Variants in EFNA5 observed in about 807,000 individuals in gnomAD.
EFNA5 encodes ephrin A5, also known as ephrin-A5.
A neutral mutation model predicts 22.9 loss-of-function variants in EFNA5; 5 were observed. That is an observed-to-expected ratio of 0.22 (90% CI 0.11 to 0.46). The LOEUF (loss-of-function observed/expected upper bound fraction) is 0.46. Ranked by LOEUF, EFNA5 falls within the 20% of genes least tolerant of loss-of-function variation. The pLI, the probability that EFNA5 is intolerant of heterozygous loss-of-function variation, is 0.99. For synonymous variants in EFNA5, 113 were observed against 112.2 expected (o/e 1.01, Z -0.04); for missense variants, 237 against 293.3 (o/e 0.81, Z 1.40).
intron 1 of EFNA5, among the ~76,000 whole-genome samples, chr5:107,430,809 A>C: frequency 8.9e-6 from 1 of 112,258 alleles, no homozygotes; most frequent in Non-Finnish European, 1.7e-5. Context: ...ATGGAGTTTC[A>C]CTCTGTTACC....
intron 1 of EFNA5, among the ~76,000 whole-genome samples, chr5:107,462,428 T>C (rs980643229): frequency 1.3e-5 from 2 of 152,148 alleles, no homozygotes; most frequent in Non-Finnish European, 2.9e-5. Flanking sequence ...GATAGCCTCA[T>C]GTTAAATAGA....
At chr5:107,537,564 A>T (rs1747954719) in intron 1 of EFNA5, among the ~76,000 whole-genome samples, 1 of 152,144 alleles carries the variant, frequency 6.6e-6, no homozygotes, top group African/African-American at 2.4e-5. Flanking sequence ...GTACCATTGC[A>T]CTCCTGCCTG....
intron 1 of EFNA5, among the ~76,000 whole-genome samples, chr5:107,626,283 A>AT (rs1238210638): frequency 1.3e-5 from 2 of 151,634 alleles, no homozygotes; most frequent in African/African-American, 4.9e-5. Context: ...TTTTCTTACT[A>AT]TTTTTTTGAG....
intron 2 of EFNA5, among the ~76,000 whole-genome samples, chr5:107,416,168 C>G (rs1748499940): frequency 6.6e-6 from 1 of 152,130 alleles, no homozygotes; most frequent in Admixed American, 6.5e-5. Flanking sequence ...TCTATAAACC[C>G]ATTTACTTCC....
intron 1 of EFNA5, among the ~76,000 whole-genome samples, chr5:107,430,247 T>A (rs1304906420): frequency 6.6e-6 from 1 of 152,116 alleles, no homozygotes; most frequent in Non-Finnish European, 1.5e-5. Context: ...AAAGTTCAGA[T>A]AAAAGGGTGC....
chr5:107,567,016 T>TA (rs910392256), intron 1 of EFNA5, among the ~76,000 whole-genome samples: 5 of 152,198 alleles, frequency 3.3e-5, no homozygotes, highest in African/African-American at 1.2e-4. Context: ...ATATTTACTT[T>TA]AAAAAAATCC....
intron 1 of EFNA5, among the ~76,000 whole-genome samples, chr5:107,470,310 C>A (rs1750104306): frequency 6.6e-6 from 1 of 152,152 alleles, no homozygotes; most frequent in African/African-American, 2.4e-5. Context: ...ATCTGAATAG[C>A]CAGAGATGCT....
intron 1 of EFNA5, among the ~76,000 whole-genome samples, chr5:107,535,727 G>A (rs1249620892): frequency 2.0e-5 from 3 of 151,946 alleles, no homozygotes; most frequent in Non-Finnish European, 4.4e-5. Context: ...TTTCTTACTC[G>A]ATGACAGTTT....
At chr5:107,405,052 G>T in intron 2 of EFNA5, among the ~76,000 whole-genome samples, 1 of 152,154 alleles carries the variant, frequency 6.6e-6, no homozygotes, top group Non-Finnish European at 1.5e-5. Context: ...GTACCCACAT[G>T]CACTATGGCA....
At chr5:107,485,343 A>T (rs1746586968) in intron 1 of EFNA5, among the ~76,000 whole-genome samples, 1 of 152,248 alleles carries the variant, frequency 6.6e-6, no homozygotes, top group Non-Finnish European at 1.5e-5. Context: ...GACTATACAC[A>T]CATTTCACAG....
In EFNA5 at chr5:107,641,051, G is replaced by C. The variant is rs908626621; in HGVS notation, c.125+29438C>G. 5.9e-5 allele frequency among the ~76,000 whole-genome samples: 9 copies of C among 152,110 alleles called. 1 individual carries two copies. Among genetic ancestry groups the C allele is most frequent in the Admixed American group, 3.3e-4 (5 of 15,270 alleles). On this transcript the variant is annotated intron_variant, in intron 1 of 4. Coordinates refer to ENST00000333274, the MANE Select transcript of EFNA5 (RefSeq NM_001962.3). ...AGACAGACAGACAGATAGATAGATAGAATGTATGGATATGATTAAAAATAG... is the reference window on the plus strand; with the variant it reads ...AGACAGACAGACAGATAGATAGATACAATGTATGGATATGATTAAAAATAG...
chr5:107,558,302 C>T (rs352603), intron 1 of EFNA5, among the ~76,000 whole-genome samples: 24,540 of 151,850 alleles, frequency 0.16, 2,216 homozygotes, highest in Middle Eastern at 0.21. Flanking sequence ...TTTTAAGTAA[C>T]TCGCTTTTTT....
intron 1 of EFNA5, among the ~76,000 whole-genome samples, chr5:107,519,844 CA>C (rs1747558713): frequency 6.6e-6 from 1 of 152,180 alleles, no homozygotes; most frequent in African/African-American, 2.4e-5. Context: ...CAAGTCACAT[CA>C]AAATCTTCAC....
chr5:107,430,770 C>CT (rs1748929490), intron 1 of EFNA5, among the ~76,000 whole-genome samples: 1 of 104,822 alleles, frequency 9.5e-6, no homozygotes, highest in African/African-American at 3.4e-5. Context: ...TTATTTCTTT[C>CT]TTTCTTTTTT....
At chr5:107,395,031 G>GTTTTTTTTTT (rs1257797158) in intron 2 of EFNA5, among the ~76,000 whole-genome samples, 4 of 28,836 alleles carry the variant, frequency 1.4e-4, no homozygotes, top group African/African-American at 2.5e-4. Context: ...AGGATTTCTA[G>GTTTTTTTTTT]TTCTTTTTTT....
chr5:107,582,967 C>T (rs1045804998), intron 1 of EFNA5, among the ~76,000 whole-genome samples: 2 of 152,154 alleles, frequency 1.3e-5, no homozygotes, highest in South Asian at 4.2e-4. Flanking sequence ...CAACAGGAGT[C>T]CTAAATTTCC....
intron 1 of EFNA5, among the ~76,000 whole-genome samples, chr5:107,432,342 C>A (rs1411289410): frequency 1.3e-5 from 2 of 152,238 alleles, no homozygotes; most frequent in East Asian, 3.8e-4. Context: ...AAGACTGATT[C>A]TGCATGCCAA....
intron 2 of EFNA5, among the ~76,000 whole-genome samples, chr5:107,389,364 T>C (rs1747723791): frequency 6.6e-6 from 1 of 152,180 alleles, no homozygotes; most frequent in Non-Finnish European, 1.5e-5. Flanking sequence ...ACAGTACACA[T>C]AGGTGACTCC....
At chr5:107,651,969 G>C (rs1750744610) in intron 1 of EFNA5, among the ~76,000 whole-genome samples, 1 of 152,046 alleles carries the variant, frequency 6.6e-6, no homozygotes, top group Non-Finnish European at 1.5e-5. Flanking sequence ...GCAATATAAT[G>C]GTCCTCCTTC....
Sources: gnomAD v4.1 joint callset for allele counts (sites outside exome capture counted in the v4.1 genomes callset) on GRCh38, gnomAD v4.1.1 for gene constraint, MANE v1.5 for transcripts, NCBI Gene and HGNC (gene_info 2026-07-23, HGNC 2026-07-21) for gene names.